The following MIGA2 variants were observed in gnomAD, a reference collection of about 807,000 sequenced individuals.
The protein encoded by MIGA2 is family with sequence similarity 73, member B.
In MIGA2, 36 loss-of-function variants were observed where a neutral mutation model predicts 69.9. The ratio of observed to expected loss-of-function variants is 0.52; its 90% CI spans 0.39 to 0.68. The LOEUF (loss-of-function observed/expected upper bound fraction) is 0.68. Ranked by LOEUF, MIGA2 falls within the 30% of genes least tolerant of loss-of-function variation. MIGA2 has a pLI of 0.00. For missense variants in MIGA2, 660 were observed against 787.7 expected (o/e 0.84, Z 1.94); for synonymous variants, 333 against 349.2 (o/e 0.95, Z 0.52).
chr9:129,069,072 G>A lies in MIGA2; in HGVS notation c.1405-4G>A, dbSNP rs778809984. The A allele has an allele frequency of 1.2e-6, 2 of 1,613,962 alleles. No individual in the cohort carries two copies. Among genetic ancestry groups the A allele is most frequent in the Non-Finnish European group, 1.7e-6 (2 of 1,179,938 alleles). ...ACCCGGGGGACATCCTATTTTTGAT[G>A]TAGGCCTTGGCCACTGCTTGCTGGT... On this transcript the variant is annotated splice_region_variant and splice_polypyrimidine_tract_variant and intron_variant, in intron 13 of 15. Coordinates refer to ENST00000684074, the MANE Select transcript of MIGA2 (RefSeq NM_001329990.2). This position sits in a 1 kb window ranked among gnomAD's most constrained non-coding sequence, Gnocchi z 4.9.
chr9:129,055,840 C>T (rs868430072), intron 6 of MIGA2, among the ~76,000 whole-genome samples: 71 of 145,680 alleles, frequency 4.9e-4, no homozygotes, highest in Middle Eastern at 3.5e-3. Context: ...CAGAGCCAGA[C>T]TCCATCTGAA....
intron 6 of MIGA2, among the ~76,000 whole-genome samples, chr9:129,052,586 G>T (rs1845604735): frequency 6.6e-6 from 1 of 152,052 alleles, no homozygotes; most frequent in Non-Finnish European, 1.5e-5. Flanking sequence ...AGGGGATGGG[G>T]CCACTTTTGG....
At chr9:129,039,238 TTTTG>T (rs1844769714) in intron 1 of MIGA2, among the ~76,000 whole-genome samples, 1 of 151,542 alleles carries the variant, frequency 6.6e-6, no homozygotes, top group African/African-American at 2.4e-5. Flanking sequence ...TATTTTATTT[TTTTG>T]TTTTTTATTT....
chr9:129,065,872 C>T (rs79342033), intron 11 of MIGA2, among the ~76,000 whole-genome samples: 7,018 of 152,164 alleles, frequency 0.046, 373 homozygotes, highest in African/African-American at 0.13. Flanking sequence ...CTCACCGTGG[C>T]GGTGTGGCCT....
Position 129,068,845 on chromosome 9 carries a change from G to T in MIGA2, c.1405-231G>T. 1.7e-6 allele frequency: 1 copy of T among 582,032 alleles called. No homozygotes were observed. The allele number at this position is 582,032 out of a possible 1,614,324, so 36.1% of individuals were successfully genotyped here. A position where few individuals can be genotyped will look rare whatever the true frequency, so the allele number is the denominator to read the frequency against. On this transcript the variant is annotated intron_variant, in intron 13 of 15. Transcript: ENST00000684074. This position sits in a 1 kb window ranked among gnomAD's most constrained non-coding sequence, Gnocchi z 4.1. ...TGTTGTGCCCCTTTACAGAAGAGGA[G>T]ACCGAGGCTCAGAGAAGATCCAGCA...
intron 10 of MIGA2, 95 bp downstream of exon 10, chr9:129,063,411 G>T (rs1343202328): frequency 6.5e-7 from 1 of 1,548,100 alleles, no homozygotes; most frequent in Non-Finnish European, 8.8e-7. Flanking sequence ...CTGGTCCCTG[G>T]CCAGGCCTGC....
intron 11 of MIGA2, among the ~76,000 whole-genome samples, chr9:129,064,945 G>A (rs750658721): frequency 2.6e-5 from 4 of 151,910 alleles, no homozygotes; most frequent in Non-Finnish European, 4.4e-5. Context: ...ACCGCGCCTG[G>A]CTAATTTTTA....
At chr9:129,038,081 A>G (rs1844688403) in intron 1 of MIGA2, among the ~76,000 whole-genome samples, 1 of 152,152 alleles carries the variant, frequency 6.6e-6, no homozygotes, top group East Asian at 1.9e-4. Context: ...GACCTGAGCC[A>G]GCCTGGGGTT....
chr9:129,058,066 AC>A (rs1451954276), intron 6 of MIGA2, among the ~76,000 whole-genome samples: 1 of 152,066 alleles, frequency 6.6e-6, no homozygotes, highest in African/African-American at 2.4e-5. Context: ...GTAGTTAATA[AC>A]CTACTAATAA....
intron 1 of MIGA2, among the ~76,000 whole-genome samples, chr9:129,039,219 GTTT>G (rs1844766791): frequency 7.3e-6 from 1 of 136,620 alleles, no homozygotes; most frequent in Non-Finnish European, 1.5e-5. Context: ...GTGTGTGTGT[GTTT>G]TATTTTATTT....
In MIGA2 at chr9:129,061,961, C is replaced by T. The variant is rs188488366; in HGVS notation, c.1010+615C>T. Reference sequence around the variant, plus strand: ...AGGCCTCTTCACTATCTTATATTAACGTTATTATTAACTTTTTTGTATTAT... The same window carrying T: ...AGGCCTCTTCACTATCTTATATTAATGTTATTATTAACTTTTTTGTATTAT... On this transcript the variant is annotated intron_variant, in intron 9 of 15. Transcript: ENST00000684074. This position sits in a 1 kb window ranked among gnomAD's most constrained non-coding sequence, Gnocchi z 5.0. Among the ~76,000 whole-genome samples the T allele has an allele frequency of 5.3e-5, 8 of 151,226 alleles. No homozygotes were observed. The highest frequency in any genetic ancestry group is 9.7e-5 in the African/African-American group (4 of 41,130).
chr9:129,044,676 C>G (rs935544193), intron 3 of MIGA2, among the ~76,000 whole-genome samples: 2 of 152,068 alleles, frequency 1.3e-5, no homozygotes, highest in Admixed American at 6.6e-5. Context: ...CCTCAGCCTC[C>G]CGAGTAGCTG....
intron 1 of MIGA2, 62 bp from the exon 2 acceptor site, chr9:129,040,390 G>A: frequency 8.1e-7 from 1 of 1,231,000 alleles, no homozygotes; most frequent in Non-Finnish European, 1.1e-6. Flanking sequence ...CTCTTCTTGA[G>A]TGCATTTCTG....
At chr9:129,054,109 A>G (rs933898355) in intron 6 of MIGA2, among the ~76,000 whole-genome samples, 4 of 152,166 alleles carry the variant, frequency 2.6e-5, no homozygotes, top group African/African-American at 7.2e-5. Context: ...TATATTCACA[A>G]AATTGTGTAT....
chr9:129,069,184 G>T lies in MIGA2; in HGVS notation c.1458+55G>T. The stretch of plus-strand genomic sequence containing the variant: ...GAGCTGGGCTCTGAGGCAGCGTGGT[G>T]GGGAGCGGAGCGGGTGCAGGGTGGC... On this transcript the variant is annotated intron_variant, in intron 14 of 15. Transcript: ENST00000684074. The surrounding 1 kb of genome is among the most constrained non-coding windows in gnomAD (Gnocchi z 4.9). 1.2e-6 allele frequency: 2 copies of T among 1,609,808 alleles called. No homozygotes were observed. Among genetic ancestry groups the T allele is most frequent in the Non-Finnish European group, 8.5e-7 (1 of 1,177,634 alleles).
chr9:129,039,834 C>T (rs1040268113), intron 1 of MIGA2: 1 of 154,830 alleles, frequency 6.5e-6, no homozygotes, highest in African/African-American at 2.4e-5. Flanking sequence ...CCTCCACCTC[C>T]CAGGTTCAAG....
Position 129,040,497 on chromosome 9 carries a change from G to A in MIGA2, c.-98G>A. The A allele has an allele frequency of 6.7e-7, 1 of 1,486,172 alleles. No homozygotes were observed. Among genetic ancestry groups the A allele is most frequent in the Non-Finnish European group, 9.0e-7 (1 of 1,107,870 alleles). 92.1% of individuals were successfully genotyped at this position (1,486,172 alleles called of 1,614,324 possible). On this transcript the variant is annotated 5_prime_UTR_variant, in exon 2 of 16. Coordinates refer to ENST00000684074, the MANE Select transcript of MIGA2 (RefSeq NM_001329990.2). Reference sequence around the variant, plus strand: ...GTATGTGTGTCCCTGTCCTTCTGGGGCGTGGATGGTGCCTGGGACCCAGCT... The same window carrying A: ...GTATGTGTGTCCCTGTCCTTCTGGGACGTGGATGGTGCCTGGGACCCAGCT...
intron 2 of MIGA2, among the ~76,000 whole-genome samples, chr9:129,041,824 G>A (rs2131340669): frequency 6.6e-6 from 1 of 152,352 alleles, no homozygotes; most frequent in East Asian, 1.9e-4. Context: ...TTCAGATGGG[G>A]TGGCAGGTGA....
Position 129,061,424 on chromosome 9 carries a change from C to T in MIGA2, c.1010+78C>T. ...TGGCCCTTGCGGGAGGCGGAGAAGC[C>T]AGCGGTGCTTGGCGAGGACTTAGCC... On this transcript the variant is annotated intron_variant, in intron 9 of 15. Coordinates refer to ENST00000684074, the MANE Select transcript of MIGA2 (RefSeq NM_001329990.2). The surrounding 1 kb of genome is among the most constrained non-coding windows in gnomAD (Gnocchi z 5.0). The T allele has an allele frequency of 1.5e-6, 2 of 1,340,738 alleles. No individual in the cohort carries two copies. Among genetic ancestry groups the T allele is most frequent in the South Asian group, 2.6e-5 (2 of 75,732 alleles). 83.1% of individuals were successfully genotyped at this position (1,340,738 alleles called of 1,614,324 possible). A position where few individuals can be genotyped will look rare whatever the true frequency, so the allele number is the denominator to read the frequency against.
Sources: gnomAD v4.1 joint callset for allele counts (sites outside exome capture counted in the v4.1 genomes callset) on GRCh38, gnomAD v4.1.1 for gene constraint, Gnocchi (gnomAD v3.1) non-coding constraint, MANE v1.5 for transcripts, NCBI Gene and HGNC (gene_info 2026-07-23, HGNC 2026-07-21) for gene names.